The following CCBE1 variants were observed in gnomAD, a reference collection of about 807,000 sequenced individuals.
CCBE1 encodes the protein collagen and calcium-binding EGF domain-containing protein 1.
In CCBE1, 37 loss-of-function variants were observed where a neutral mutation model predicts 50.0. The observed-to-expected ratio is 0.74, with a 90% confidence interval of 0.57 to 0.97. The LOEUF is 0.97. Among genes scored for constraint, CCBE1 ranks in the 50% least tolerant of loss-of-function variants. CCBE1 has a pLI of 0.00. For synonymous variants in CCBE1, 234 were observed against 203.7 expected, an observed-to-expected ratio of 1.15 and a Z score of -1.27; for missense variants, 538 against 523.8, an observed-to-expected ratio of 1.03 and a Z score of -0.26.
At chr18:59,603,072 G>A (rs992036478) in intron 2 of CCBE1, among the ~76,000 whole-genome samples, 1 of 152,188 alleles carries the variant, frequency 6.6e-6, no homozygotes, top group Non-Finnish European at 1.5e-5. Context: ...CCATTTGTTA[G>A]TTGTTACACA....
chr18:59,534,762 C>T (rs1340257490), intron 2 of CCBE1, among the ~76,000 whole-genome samples: 1 of 152,178 alleles, frequency 6.6e-6, no homozygotes, highest in Non-Finnish European at 1.5e-5. Context: ...AGAAGGAGAA[C>T]TTCTGGCCCC....
At chr18:59,448,160 A>C in intron 6 of CCBE1, 57 bp from the exon 7 acceptor site, 1 of 1,609,290 alleles carries the variant, frequency 6.2e-7, no homozygotes, top group South Asian at 1.1e-5. Flanking sequence ...GAGCCTCGGC[A>C]TTTGTCTTGG....
chr18:59,601,177 G>C (rs143344371), intron 2 of CCBE1, among the ~76,000 whole-genome samples: 1 of 151,534 alleles, frequency 6.6e-6, no homozygotes, highest in Non-Finnish European at 1.5e-5. Context: ...GACTAGAGGC[G>C]CACAACACCA....
chr18:59,533,426 A>G (rs1915125409), intron 2 of CCBE1, among the ~76,000 whole-genome samples: 1 of 152,216 alleles, frequency 6.6e-6, no homozygotes, highest in South Asian at 2.1e-4. Context: ...ATAAAAATAG[A>G]GATTATAAAG....
At chr18:59,673,668 T>C (rs1489247680) in intron 2 of CCBE1, among the ~76,000 whole-genome samples, 2 of 152,224 alleles carry the variant, frequency 1.3e-5, no homozygotes, top group African/African-American at 4.8e-5. Flanking sequence ...TTGAATTTTA[T>C]TGAAGGCCTT....
intron 2 of CCBE1, among the ~76,000 whole-genome samples, chr18:59,582,281 G>A (rs980936485): frequency 3.9e-5 from 6 of 152,136 alleles, no homozygotes; most frequent in African/African-American, 1.2e-4. Flanking sequence ...TCATATACTT[G>A]TGACAAAAGA....
At chr18:59,474,325 G>T (rs540923409) in intron 3 of CCBE1, among the ~76,000 whole-genome samples, 28 of 152,314 alleles carry the variant, frequency 1.8e-4, no homozygotes, top group Non-Finnish European at 3.5e-4. Context: ...TATTCACGGT[G>T]TATTTAAAAC....
intron 2 of CCBE1, among the ~76,000 whole-genome samples, chr18:59,508,137 C>T (rs1315424651): frequency 4.6e-5 from 7 of 151,848 alleles, no homozygotes; most frequent in Admixed American, 1.3e-4. Flanking sequence ...ATGATCCGCC[C>T]GCCTCGGCCT....
intron 2 of CCBE1, among the ~76,000 whole-genome samples, chr18:59,575,396 T>A (rs2144496014): frequency 6.6e-6 from 1 of 152,302 alleles, no homozygotes; most frequent in African/African-American, 2.4e-5. Context: ...AGTGCACTTT[T>A]CTAGGTTATC....
intron 2 of CCBE1, among the ~76,000 whole-genome samples, chr18:59,613,213 C>G (rs867471332): frequency 2.1e-4 from 32 of 152,040 alleles, no homozygotes; most frequent in East Asian, 1.9e-4. Context: ...AGGATAACTA[C>G]GCAACTACAT....
At chr18:59,665,901 A>C (rs1478851589) in intron 2 of CCBE1, among the ~76,000 whole-genome samples, 2 of 152,214 alleles carry the variant, frequency 1.3e-5, no homozygotes, top group South Asian at 2.1e-4. Context: ...TTCAGTTCAC[A>C]CACATGTATA....
chr18:59,435,598 T>G lies in CCBE1; in HGVS notation c.*310A>C, dbSNP rs997228345. On this transcript the variant is annotated 3_prime_UTR_variant, in exon 11 of 11. Coordinates refer to ENST00000439986, the MANE Select transcript of CCBE1 (RefSeq NM_133459.4). ...TTCAAGAATTTATGATTTAAGACAC[T>G]GTGAGAGTACTTAAATCCAAAGTTC... 2.4e-6 allele frequency: 1 copy of G among 417,278 alleles called. No individual in the cohort carries two copies. Among genetic ancestry groups the G allele is most frequent in the African/African-American group, 2.0e-5 (1 of 49,754 alleles). The allele number at this position is 417,278 out of a possible 1,614,324, so 25.8% of individuals were successfully genotyped here. A position where few individuals can be genotyped will look rare whatever the true frequency, so the allele number is the denominator to read the frequency against.
intron 3 of CCBE1, among the ~76,000 whole-genome samples, chr18:59,473,806 C>T (rs1489079727): frequency 1.4e-5 from 2 of 138,336 alleles, no homozygotes; most frequent in Non-Finnish European, 1.6e-5. Context: ...ATCCAACCCT[C>T]CCACTATTCC....
intron 2 of CCBE1, among the ~76,000 whole-genome samples, chr18:59,489,082 TA>T (rs1399819813): frequency 6.6e-6 from 1 of 152,240 alleles, no homozygotes; most frequent in Non-Finnish European, 1.5e-5. Flanking sequence ...TTTTACTGGC[TA>T]AAAAGAGAAG....
chr18:59,439,763 C>T lies in CCBE1; in HGVS notation c.829G>A (p.Gly277Arg). ...ATTGAGCCCCGTGGGCCGGGCTGCCCAGGAGGGCCTGGCATACCGGGGAAG... is the reference window on the plus strand; with the variant it reads ...ATTGAGCCCCGTGGGCCGGGCTGCCTAGGAGGGCCTGGCATACCGGGGAAG... Reference protein sequence around the residue: ...PGFPGMPGPPGQPGPRGSMGP... With the variant: ...PGFPGMPGPPRQPGPRGSMGP... The change falls in exon 8 of 11, where the codon GGG (glycine) becomes AGG (arginine). Residue 277 changes from glycine (G) to arginine (R), a missense_variant. Gly to Arg is a moderately radical substitution (Grantham distance 125, BLOSUM62 -2). Transcript: ENST00000439986. The T allele has an allele frequency of 2.5e-6, 4 of 1,614,166 alleles. No homozygotes were observed. Among genetic ancestry groups the T allele is most frequent in the Non-Finnish European group, 3.4e-6 (4 of 1,180,024 alleles).
intron 2 of CCBE1, among the ~76,000 whole-genome samples, chr18:59,488,190 G>C (rs633625): frequency 0.26 from 39,185 of 152,024 alleles, 5,332 homozygotes; most frequent in African/African-American, 0.29. Flanking sequence ...CTGTAAAGAC[G>C]GAGTTAGTAG....
chr18:59,564,247 A>T (rs147798635), intron 2 of CCBE1, among the ~76,000 whole-genome samples: 416 of 152,374 alleles, frequency 2.7e-3, no homozygotes, highest in African/African-American at 9.1e-3. Flanking sequence ...AAATGCATAA[A>T]GAATGAAGGG....
At chr18:59,532,635 C>T (rs1040194682) in intron 2 of CCBE1, among the ~76,000 whole-genome samples, 1 of 152,204 alleles carries the variant, frequency 6.6e-6, no homozygotes, top group Non-Finnish European at 1.5e-5. Flanking sequence ...TGATGTTACC[C>T]ACTCCACAGA....
intron 10 of CCBE1, 72 bp downstream of exon 10, chr18:59,438,039 A>C (rs1910238100): frequency 5.2e-6 from 8 of 1,524,696 alleles, no homozygotes; most frequent in Non-Finnish European, 7.3e-6. Flanking sequence ...TACTAGACCA[A>C]CCTATAGGCT....
Sources: allele counts gnomAD v4.1 joint callset (sites outside exome capture counted in the v4.1 genomes callset), GRCh38; gene constraint gnomAD v4.1.1; transcripts MANE v1.5; gene names NCBI Gene and HGNC (gene_info 2026-07-23, HGNC 2026-07-21).